Variants in PLAUR observed in about 807,000 individuals in gnomAD.
PLAUR encodes the protein plasminogen activator, urokinase receptor, also known as urokinase plasminogen activator surface receptor.
A neutral mutation model predicts 33.4 loss-of-function variants in PLAUR; 22 were observed. The observed-to-expected ratio is 0.66, with a 90% CI of 0.47 to 0.94. The LOEUF (loss-of-function observed/expected upper bound fraction) is 0.94. Ranked by LOEUF, PLAUR falls within the 40% of genes least tolerant of loss-of-function variation. The pLI, the probability that PLAUR is intolerant of heterozygous loss-of-function variation, is 0.00. For missense variants in PLAUR, 408 were observed against 434.7 expected, an observed-to-expected ratio of 0.94 and a Z score of 0.55; for synonymous variants, 148 against 167.3, an observed-to-expected ratio of 0.88 and a Z score of 0.89.
At chr19:43,657,224 A>G (rs1378255080) in intron 3 of PLAUR, among the ~76,000 whole-genome samples, 1 of 152,094 alleles carries the variant, frequency 6.6e-6, no homozygotes, top group Non-Finnish European at 1.5e-5. Flanking sequence ...GATTACAGGC[A>G]TGAGCCACTG....
intron 3 of PLAUR, among the ~76,000 whole-genome samples, chr19:43,661,913 G>A (rs1298917294): frequency 2.0e-5 from 3 of 152,038 alleles, no homozygotes; most frequent in Admixed American, 6.6e-5. Context: ...TTGCTCTGCC[G>A]CCTAGGCTGG....
downstream of PLAUR, among the ~76,000 whole-genome samples, chr19:43,648,300 C>G (rs1381660484): frequency 6.6e-6 from 1 of 152,022 alleles, no homozygotes; most frequent in Non-Finnish European, 1.5e-5. Context: ...CTCAGCCTCC[C>G]GAATAGCTGG....
Position 43,652,205 on chromosome 19 carries a change from A to G in PLAUR, c.754+20T>C, listed in dbSNP as rs1056343331. ...CCACCCCCAATAAGTGTTCCCTCCC[A>G]GCCTCGGAGAGGGCCTCACCGTGAG... On this transcript the variant is annotated intron_variant, in intron 6 of 6. Coordinates refer to ENST00000340093, the MANE Select transcript of PLAUR (RefSeq NM_002659.4). 2 of 1,613,228 alleles carry G rather than the reference A, an allele frequency of 1.2e-6. No individual in the cohort carries two copies. The highest frequency in any genetic ancestry group is 1.7e-6 in the Non-Finnish European group (2 of 1,179,528).
intron 3 of PLAUR, among the ~76,000 whole-genome samples, chr19:43,657,746 AC>A (rs1332691454): frequency 6.6e-6 from 1 of 152,174 alleles, no homozygotes; most frequent in Non-Finnish European, 1.5e-5. Context: ...CTGTGTCCCA[AC>A]ACCACCTGGC....
At chr19:43,652,173 G>A in intron 6 of PLAUR, 52 bp downstream of exon 6, 1 of 1,597,330 alleles carries the variant, frequency 6.3e-7, no homozygotes, top group Non-Finnish European at 8.6e-7. Context: ...ATCTCTTGCG[G>A]AACTCTCCAC....
At position 43,648,654 on chromosome 19, in the gene PLAUR, G is replaced by A. The variant is rs1011963067; in HGVS notation, c.*236C>T. On this transcript the variant is annotated 3_prime_UTR_variant, in exon 7 of 7. Coordinates refer to ENST00000340093, the MANE Select transcript of PLAUR (RefSeq NM_002659.4). ...TAATTAATAACAACAACACAACAGCGGCAACAATATTAATAATAACAAGAG... is the reference window on the plus strand; with the variant it reads ...TAATTAATAACAACAACACAACAGCAGCAACAATATTAATAATAACAAGAG... 10 of 765,564 alleles carry A rather than the reference G, an allele frequency of 1.3e-5. No individual in the cohort carries two copies. The highest frequency in any genetic ancestry group is 9.6e-5 in the East Asian group (3 of 31,398). 47.4% of individuals were successfully genotyped at this position (765,564 alleles called of 1,614,324 possible). A position where few individuals can be genotyped will look rare whatever the true frequency, so the allele number is the denominator to read the frequency against.
In PLAUR at chr19:43,648,654, G is replaced by T. The variant is rs1011963067; in HGVS notation, c.*236C>A. On this transcript the variant is annotated 3_prime_UTR_variant, in exon 7 of 7. Transcript: ENST00000340093. The stretch of plus-strand genomic sequence containing the variant: ...TAATTAATAACAACAACACAACAGC[G>T]GCAACAATATTAATAATAACAAGAG... 3 of 765,564 alleles carry T rather than the reference G, an allele frequency of 3.9e-6. No homozygotes were observed. The highest frequency in any genetic ancestry group is 5.5e-6 in the Non-Finnish European group (3 of 544,284). The allele number at this position is 765,564 out of a possible 1,614,324, so 47.4% of individuals were successfully genotyped here.
At chr19:43,657,440 A>T (rs937242361) in intron 3 of PLAUR, among the ~76,000 whole-genome samples, 5 of 151,996 alleles carry the variant, frequency 3.3e-5, no homozygotes, top group African/African-American at 9.7e-5. Context: ...CTCCACACTG[A>T]CTTCCCACAG....
intron 1 of PLAUR, 40 bp from the exon 2 acceptor site, chr19:43,667,731 C>T: frequency 6.2e-7 from 1 of 1,606,602 alleles, no homozygotes; most frequent in African/African-American, 1.3e-5. Flanking sequence ...GTTAACTACG[C>T]TTAGCTCCAA....
chr19:43,652,339 G>A lies in PLAUR; in HGVS notation c.640C>T (p.Arg214Cys), dbSNP rs1430049910. 19 of 1,614,060 alleles carry A rather than the reference G, an allele frequency of 1.2e-5. No homozygotes were observed. The highest frequency in any genetic ancestry group is 1.6e-4 in the Middle Eastern group (1 of 6,062). ...LELENLPQNG[R>C]QCYSCKGNST... ...TTCCCCTTGCAGCTGTAACACTGGCGGCCATTCTGCGGCAGATTTTCAAGC... is the reference window on the plus strand; with the variant it reads ...TTCCCCTTGCAGCTGTAACACTGGCAGCCATTCTGCGGCAGATTTTCAAGC... Residue 214 changes from arginine to cysteine, a missense_variant, in exon 6 of 7, where the codon CGC becomes TGC. By Grantham distance (180) the Arg-to-Cys change is radical. Coordinates refer to ENST00000340093, the MANE Select transcript of PLAUR (RefSeq NM_002659.4).
At position 43,652,256 on chromosome 19, in the gene PLAUR, C is replaced by A; in HGVS notation, c.723G>T (p.Met241Ile). 1 of 1,614,122 alleles carries A rather than the reference C, an allele frequency of 6.2e-7. No individual in the cohort carries two copies. Among genetic ancestry groups the A allele is most frequent in the Non-Finnish European group, 8.5e-7 (1 of 1,179,994 alleles). ...TGCCGGTGGCTACCAGACATTGATT[C>A]ATGGGGCCTCGGCAGTCAATGAGGA... ...ETFLIDCRGP[M>I]NQCLVATGTH... Residue 241 changes from methionine (M) to isoleucine (I), a missense_variant, in exon 6 of 7, where the codon ATG (methionine) becomes ATT (isoleucine). By Grantham distance (10) the Met-to-Ile change is conservative. Coordinates refer to ENST00000340093, the MANE Select transcript of PLAUR (RefSeq NM_002659.4).
At position 43,648,832 on chromosome 19, in the gene PLAUR, G is replaced by A. The variant is rs2687; in HGVS notation, c.*58C>T. 1.3e-3 allele frequency: 2,094 copies of A among 1,555,484 alleles called. 1 individual carries two copies. The highest frequency in any genetic ancestry group is 1.6e-3 in the Non-Finnish European group (1,804 of 1,139,604). ...CAGCAAGTCTGTAGGGCTGGGAGCC[G>A]AGGGAAGGGCAAAGGGGTCCCCCGG... is the stretch of plus-strand genomic sequence containing the variant. On this transcript the variant is annotated 3_prime_UTR_variant, in exon 7 of 7. Coordinates refer to ENST00000340093, the MANE Select transcript of PLAUR (RefSeq NM_002659.4).
Position 43,648,966 on chromosome 19 carries a change from C to G in PLAUR, c.932G>C (p.Gly311Ala), listed in dbSNP as rs1293517201. ...GATGGTGAGGCTGAGATGGGCAGGGCCAGGCTGAGGAGCAGCCCCACTGCG... is the reference window on the plus strand; with the variant it reads ...GATGGTGAGGCTGAGATGGGCAGGGGCAGGCTGAGGAGCAGCCCCACTGCG... ...QYRSGAAPQP[G>A]PAHLSLTITL... The change falls in exon 7 of 7, where the codon GGC (glycine) becomes GCC (alanine). Residue 311 changes from glycine (G) to alanine (A), a missense_variant. Coordinates refer to ENST00000340093, the MANE Select transcript of PLAUR (RefSeq NM_002659.4). 1 of 1,614,090 alleles carries G rather than the reference C, an allele frequency of 6.2e-7. No individual in the cohort carries two copies. Among genetic ancestry groups the G allele is most frequent in the South Asian group, 1.1e-5 (1 of 91,066 alleles).
chr19:43,653,206 T>C (rs1221219479), intron 5 of PLAUR, among the ~76,000 whole-genome samples: 1 of 152,190 alleles, frequency 6.6e-6, no homozygotes, highest in African/African-American at 2.4e-5. Flanking sequence ...AAATCGAATC[T>C]TAAAATTCAG....
intron 5 of PLAUR, 55 bp downstream of exon 5, chr19:43,655,384 C>T (rs914487766): frequency 1.9e-6 from 3 of 1,584,568 alleles, no homozygotes; most frequent in Admixed American, 3.4e-5. Flanking sequence ...AGCTGTCTGC[C>T]TGAGTGCATG....
At position 43,667,675 on chromosome 19, in the gene PLAUR, C is replaced by T; in HGVS notation, c.72G>A (p.Arg24=). Reference sequence around the variant, plus strand: ...CCCCGTTGGTCTTACACTGCATGCACCGCAGGCCCCAAGAGGCTGGGGGAA... The same window carrying T: ...CCCCGTTGGTCTTACACTGCATGCATCGCAGGCCCCAAGAGGCTGGGGGAA... ...HTCVPASWGL[R]CMQCKTNGDC... is the part of the protein sequence containing the mutation. Residue 24 remains arginine (R), a synonymous_variant, in exon 2 of 7, where the codon CGG becomes CGA. Transcript: ENST00000340093. 6.2e-7 allele frequency: 1 copy of T among 1,613,884 alleles called. No individual in the cohort carries two copies. The highest frequency in any genetic ancestry group is 8.5e-7 in the Non-Finnish European group (1 of 1,179,954).
chr19:43,659,325 T>C (rs2146245932), intron 3 of PLAUR, among the ~76,000 whole-genome samples: 1 of 152,156 alleles, frequency 6.6e-6, no homozygotes, highest in Admixed American at 6.6e-5. Flanking sequence ...GGCTGATTCC[T>C]GTATTTTTGT....
At chr19:43,659,168 T>TTTTTTTC in intron 3 of PLAUR, among the ~76,000 whole-genome samples, 1 of 1,196 alleles carries the variant, frequency 8.4e-4, no homozygotes, top group Non-Finnish European at 2.3e-3. Flanking sequence ...TTTTCTTTTC[T>TTTTTTTC]TTTTTTTTTT....
chr19:43,649,121 C>G lies in PLAUR; in HGVS notation c.777G>C (p.Met259Ile), dbSNP rs745369900. 3.7e-6 allele frequency: 6 copies of G among 1,610,934 alleles called. No homozygotes were observed. The highest frequency in any genetic ancestry group is 5.1e-6 in the Non-Finnish European group (6 of 1,177,262). Reference sequence around the variant, plus strand: ...TTGAGGCGGTTGCACAGCCTCTTACCATATAGCTTTGGTTTTTCGGTTCTG... The same window carrying G: ...TTGAGGCGGTTGCACAGCCTCTTACGATATAGCTTTGGTTTTTCGGTTCTG... ...GTHEPKNQSY[M>I]VRGCATASMC... The change falls in exon 7 of 7, where the codon ATG becomes ATC. Residue 259 changes from methionine (M) to isoleucine (I), a missense_variant. Met to Ile is a conservative substitution (Grantham distance 10, BLOSUM62 1). Transcript: ENST00000340093.
Sources: allele counts gnomAD v4.1 joint callset (sites outside exome capture counted in the v4.1 genomes callset), GRCh38; gene constraint gnomAD v4.1.1; transcripts MANE v1.5; gene names NCBI Gene and HGNC (gene_info 2026-07-23, HGNC 2026-07-21).